The following RGPD3 variants were observed in gnomAD, a reference collection of about 807,000 sequenced individuals.
RGPD3 encodes the protein ranBP2-like and GRIP domain-containing protein 3.
RGPD3 carries 62 observed loss-of-function variants against 154.5 expected under a neutral mutation model. The ratio of observed to expected loss-of-function variants is 0.40; its 90% CI spans 0.33 to 0.50. The LOEUF is 0.50. RGPD3 is among the 20% of genes least tolerant of loss of function. The probability of loss-of-function intolerance (pLI) is 0.59; values close to 1 mark genes in which losing one functional copy is unlikely to be tolerated. For missense variants in RGPD3, 919 were observed against 1,716.8 expected (o/e 0.54, Z 8.21); for synonymous variants, 308 against 607.0 (o/e 0.51, Z 7.24).
intron 1 of RGPD3, among the ~76,000 whole-genome samples, chr2:106,461,434 T>A (rs1678401695): frequency 6.6e-6 from 1 of 152,204 alleles, no homozygotes; most frequent in Non-Finnish European, 1.5e-5. Flanking sequence ...AGCATGAATA[T>A]GTTGGACAAA....
rs748149929 is a variant in RGPD3, at chr2:106,436,214, A to T, written c.1667T>A (p.Val556Asp). The change falls in exon 12 of 23, where the codon GTT becomes GAT. Residue 556 changes from valine (V) to aspartate (D), a missense_variant. By Grantham distance (152) the Val-to-Asp change is radical. Coordinates refer to ENST00000409886, the MANE Select transcript of RGPD3 (RefSeq NM_001144013.2). Reference sequence around the variant, plus strand: ...TCTTAGAGTGTTTATTTCATGCTGAACTAGAAGTCTCAATTTTGCTGAGTT... The same window carrying T: ...TCTTAGAGTGTTTATTTCATGCTGATCTAGAAGTCTCAATTTTGCTGAGTT... ...PGNSAKLRLL[V>D]QHEINTLRAQ... 6.2e-7 allele frequency: 1 copy of T among 1,611,794 alleles called. No homozygotes were observed. Among genetic ancestry groups the T allele is most frequent in the Non-Finnish European group, 8.5e-7 (1 of 1,179,862 alleles).
At chr2:106,433,498 C>T (rs1445590202) in intron 15 of RGPD3, among the ~76,000 whole-genome samples, 1 of 52,790 alleles carries the variant, frequency 1.9e-5, no homozygotes, top group African/African-American at 5.2e-5. Context: ...TGTCTTTATT[C>T]TATTTTTTCT....
chr2:106,466,224 A>C (rs1456144818), intron 1 of RGPD3, among the ~76,000 whole-genome samples: 6 of 152,216 alleles, frequency 3.9e-5, no homozygotes, highest in South Asian at 2.1e-4. Context: ...TCCCGCCCGC[A>C]GCGGTCCCCC....
rs1470462537 is a variant in RGPD3, at chr2:106,432,117, T to A, written c.2469+818A>T. On this transcript the variant is annotated intron_variant, in intron 17 of 22. Coordinates refer to ENST00000409886, the MANE Select transcript of RGPD3 (RefSeq NM_001144013.2). ...GTTTCTACCTTTGAAGGTCTCAAAT[T>A]TTGTGAAAGATGAGGAGAGAGACAC... Among the ~76,000 whole-genome samples the A allele has an allele frequency of 2.7e-5, 4 of 148,726 alleles. 1 individual carries two copies. The highest frequency in any genetic ancestry group is 6.0e-5 in the Non-Finnish European group (4 of 67,082).
intron 22 of RGPD3, among the ~76,000 whole-genome samples, chr2:106,412,294 T>TC (rs1491288225): frequency 2.5e-4 from 2 of 7,924 alleles, no homozygotes; most frequent in Non-Finnish European, 5.8e-4. Flanking sequence ...TACATCATAG[T>TC]TTTTTTTTTT....
chr2:106,465,129 G>A lies in RGPD3; in HGVS notation c.72+3088C>T, dbSNP rs369583981. 6.0e-5 allele frequency among the ~76,000 whole-genome samples: 9 copies of A among 151,120 alleles called. 1 individual carries two copies. In the East Asian group the frequency reaches 7.8e-4, roughly 13 times the overall value. On this transcript the variant is annotated intron_variant, in intron 1 of 22. Coordinates refer to ENST00000409886, the MANE Select transcript of RGPD3 (RefSeq NM_001144013.2). ...AAAACTCCGACATTCTAGAAAGCAT[G>A]GGCAGTTCACAGATGGCCAGCCTCT... is the stretch of plus-strand genomic sequence containing the variant.
At chr2:106,467,578 G>A (rs1343824037) in intron 1 of RGPD3, among the ~76,000 whole-genome samples, 1 of 139,948 alleles carries the variant, frequency 7.1e-6, no homozygotes, top group East Asian at 2.1e-4. Context: ...AGCGCCCGTC[G>A]GGAGCCATGA....
At chr2:106,469,922 C>T (rs186948825), upstream of RGPD3, among the ~76,000 whole-genome samples, 56 of 151,446 alleles carry the variant, frequency 3.7e-4, no homozygotes, top group East Asian at 9.1e-3. Flanking sequence ...TCCTGTAATG[C>T]CCTGTCAATT....
At chr2:106,465,828 A>G (rs935703640) in intron 1 of RGPD3, among the ~76,000 whole-genome samples, 19 of 151,566 alleles carry the variant, frequency 1.3e-4, no homozygotes, top group Non-Finnish European at 2.4e-4. Context: ...GACCCTTACA[A>G]AGGGACAGCG....
intron 22 of RGPD3, among the ~76,000 whole-genome samples, chr2:106,408,772 G>A (rs937966638): frequency 2.6e-5 from 4 of 151,964 alleles, no homozygotes; most frequent in South Asian, 2.1e-4. Context: ...CTGCAGCCTC[G>A]AACCCCTTAT....
chr2:106,465,778 G>C (rs533441147), intron 1 of RGPD3, among the ~76,000 whole-genome samples: 5 of 151,886 alleles, frequency 3.3e-5, no homozygotes, highest in African/African-American at 7.3e-5. Flanking sequence ...GGGCAGGGAG[G>C]GGGGCGAGGG....
chr2:106,468,516 G>C (rs1356688387), upstream of RGPD3: 1 of 868,430 alleles, frequency 1.2e-6, no homozygotes, highest in African/African-American at 1.7e-5. Flanking sequence ...CTCTGAGGGT[G>C]TCTTGCCCGC....
At position 106,405,450 on chromosome 2, in the gene RGPD3, A is replaced by G. The variant is rs572406235; in HGVS notation, c.5267-221T>C. ...GAGTGCAGTGGCGTGATGAGACTTCAGTGCAGCCTTGATCTCCCAGGCTCA... is the reference window on the plus strand; with the variant it reads ...GAGTGCAGTGGCGTGATGAGACTTCGGTGCAGCCTTGATCTCCCAGGCTCA... On this transcript the variant is annotated intron_variant, in intron 22 of 22. Coordinates refer to ENST00000409886, the MANE Select transcript of RGPD3 (RefSeq NM_001144013.2). Among the ~76,000 whole-genome samples the G allele has an allele frequency of 2.8e-5, 4 of 144,300 alleles. No homozygotes were observed. The South Asian group carries it at 8.7e-4, about 31-fold the overall frequency. 94.7% of individuals were successfully genotyped at this position (144,300 alleles called of 152,430 possible). A position where few individuals can be genotyped will look rare whatever the true frequency, so the allele number is the denominator to read the frequency against.
upstream of RGPD3, among the ~76,000 whole-genome samples, chr2:106,470,561 C>T (rs2104536125): frequency 6.6e-6 from 1 of 151,998 alleles, no homozygotes; most frequent in African/African-American, 2.4e-5. Context: ...ACATCAACTC[C>T]ACACAATTGT....
chr2:106,413,307 A>C (rs548914475), intron 21 of RGPD3, 22 bp from the exon 22 acceptor site: 36 of 1,611,550 alleles, frequency 2.2e-5, no homozygotes, highest in African/African-American at 9.3e-5. Context: ...GAAATGAGTT[A>C]AAAATGGGCT....
At chr2:106,449,764 T>A (rs1034544250) in intron 6 of RGPD3, among the ~76,000 whole-genome samples, 1 of 151,918 alleles carries the variant, frequency 6.6e-6, no homozygotes, top group African/African-American at 2.4e-5. Context: ...ATGCCTGTAA[T>A]CCCAGCACTT....
At chr2:106,468,070 G>A (rs1385362346) in intron 1 of RGPD3, 147 bp downstream of exon 1, 3 of 1,049,118 alleles carry the variant, frequency 2.9e-6, no homozygotes, top group South Asian at 1.8e-5. Context: ...CGCAGGGCCA[G>A]GTCGAGGCCG....
intron 7 of RGPD3, among the ~76,000 whole-genome samples, chr2:106,446,372 C>A (rs1423616242): frequency 6.6e-6 from 1 of 151,956 alleles, no homozygotes; most frequent in Non-Finnish European, 1.5e-5. Context: ...TTGAGACCAT[C>A]CTGGCTAACA....
At chr2:106,411,562 C>G (rs1442522768) in intron 22 of RGPD3, among the ~76,000 whole-genome samples, 3 of 151,250 alleles carry the variant, frequency 2.0e-5, no homozygotes, top group Non-Finnish European at 4.4e-5. Flanking sequence ...GGCGTGGTGG[C>G]TCACACCTGT....
Sources: gnomAD v4.1 joint callset for allele counts (sites outside exome capture counted in the v4.1 genomes callset) on GRCh38, gnomAD v4.1.1 for gene constraint, MANE v1.5 for transcripts, NCBI Gene and HGNC (gene_info 2026-07-23, HGNC 2026-07-21) for gene names.